The following AGMO variants were observed in gnomAD, a reference collection of about 807,000 sequenced individuals.
AGMO encodes the protein alkylglycerol monooxygenase.
A neutral mutation model predicts 60.2 loss-of-function variants in AGMO; 75 were observed. That is an observed-to-expected ratio of 1.25 (90% confidence interval 1.03 to 1.51). AGMO has a LOEUF of 1.51. Among genes scored for constraint, AGMO ranks in the 40% most tolerant of loss-of-function variants. The probability of loss-of-function intolerance (pLI) is 0.00; values close to 1 mark genes in which losing one functional copy is unlikely to be tolerated. For missense variants in AGMO, 763 were observed against 525.5 expected (o/e 1.45, Z -4.42); for synonymous variants, 261 against 177.1 (o/e 1.47, Z -3.76).
chr7:15,370,229 T>C (rs959885479), intron 10 of AGMO, among the ~76,000 whole-genome samples: 3 of 152,274 alleles, frequency 2.0e-5, no homozygotes, highest in Admixed American at 6.5e-5. Context: ...GCAAAGGACA[T>C]GAATTCTTTT....
the AGMO span, among the ~76,000 whole-genome samples, chr7:15,181,912 C>A: frequency 6.6e-6 from 1 of 152,042 alleles, no homozygotes; most frequent in Non-Finnish European, 1.5e-5. Context: ...ATATTGTGCA[C>A]TCATACTGAT....
chr7:15,271,086 T>C (rs1425955780), intron 12 of AGMO, among the ~76,000 whole-genome samples: 5 of 152,066 alleles, frequency 3.3e-5, no homozygotes, highest in African/African-American at 9.7e-5. Flanking sequence ...GTAATATAAT[T>C]TGAACTCAGG....
intron 12 of AGMO, among the ~76,000 whole-genome samples, chr7:15,355,735 T>C (rs1285098472): frequency 1.3e-5 from 2 of 152,064 alleles, no homozygotes; most frequent in Non-Finnish European, 2.9e-5. Flanking sequence ...ACCATCTTCA[T>C]ACATAAAGGG....
At chr7:15,399,790 C>A (rs895758304) in intron 5 of AGMO, among the ~76,000 whole-genome samples, 2 of 152,056 alleles carry the variant, frequency 1.3e-5, no homozygotes, top group Admixed American at 6.6e-5. Flanking sequence ...TAAAATGAAA[C>A]CAAATAAAAA....
chr7:15,461,583 T>C (rs1177340560), intron 3 of AGMO, among the ~76,000 whole-genome samples: 2 of 152,122 alleles, frequency 1.3e-5, no homozygotes, highest in African/African-American at 4.8e-5. Context: ...GGGTTCTCAT[T>C]AGCATTTATC....
chr7:15,298,213 T>C (rs1318752718), intron 12 of AGMO, among the ~76,000 whole-genome samples: 4 of 152,310 alleles, frequency 2.6e-5, no homozygotes, highest in Non-Finnish European at 5.9e-5. Flanking sequence ...ATTGTATTAA[T>C]GTGATAAAAA....
chr7:15,434,294 G>T (rs902292633), intron 3 of AGMO, among the ~76,000 whole-genome samples: 2 of 152,098 alleles, frequency 1.3e-5, no homozygotes, highest in Non-Finnish European at 2.9e-5. Flanking sequence ...CTCTAGAATG[G>T]CCGCCATTGA....
chr7:15,381,862 T>G (rs528235298), intron 10 of AGMO, among the ~76,000 whole-genome samples: 11 of 152,174 alleles, frequency 7.2e-5, no homozygotes, highest in Non-Finnish European at 1.6e-4. Context: ...TGAGGTCATG[T>G]CCTTTGCATG....
intron 3 of AGMO, among the ~76,000 whole-genome samples, chr7:15,512,051 A>T (rs771516101): frequency 5.3e-5 from 8 of 152,040 alleles, no homozygotes; most frequent in Admixed American, 1.3e-4. Flanking sequence ...GAAAATGAAC[A>T]TACAAAATAA....
intron 5 of AGMO, among the ~76,000 whole-genome samples, chr7:15,417,020 T>G (rs1780791807): frequency 6.6e-6 from 1 of 152,232 alleles, no homozygotes. Flanking sequence ...TATTCTATGT[T>G]GTGTATAATA....
intron 3 of AGMO, among the ~76,000 whole-genome samples, chr7:15,533,479 T>A (rs1200311698): frequency 1.3e-5 from 2 of 152,116 alleles, no homozygotes; most frequent in Non-Finnish European, 2.9e-5. Context: ...TAAATATGAT[T>A]TATATATCAC....
At chr7:15,235,150 CG>C (rs1782378065) in intron 12 of AGMO, among the ~76,000 whole-genome samples, 2 of 152,178 alleles carry the variant, frequency 1.3e-5, no homozygotes, top group Non-Finnish European at 1.5e-5. Flanking sequence ...GACTCTCCCC[CG>C]GGTCCTTTGA....
intron 12 of AGMO, among the ~76,000 whole-genome samples, chr7:15,250,556 A>AACACAC (rs35821350): frequency 1.9e-4 from 29 of 149,470 alleles, no homozygotes; most frequent in African/African-American, 6.8e-4. Flanking sequence ...ACACACACTA[A>AACACAC]ACACACACAC....
intron 12 of AGMO, among the ~76,000 whole-genome samples, chr7:15,277,140 T>C (rs978871054): frequency 2.6e-5 from 4 of 151,856 alleles, no homozygotes; most frequent in African/African-American, 9.7e-5. Flanking sequence ...AAACCCTATC[T>C]CTAGTAAAAA....
intron 12 of AGMO, among the ~76,000 whole-genome samples, chr7:15,279,088 C>G (rs1783885766): frequency 6.6e-6 from 1 of 152,168 alleles, no homozygotes; most frequent in Non-Finnish European, 1.5e-5. Flanking sequence ...GCCACATGAC[C>G]TTGAGCAATG....
At chr7:15,460,505 T>C (rs1782117060) in intron 3 of AGMO, among the ~76,000 whole-genome samples, 1 of 152,144 alleles carries the variant, frequency 6.6e-6, no homozygotes, top group African/African-American at 2.4e-5. Flanking sequence ...ATGAAAAATA[T>C]TTTATCTTAT....
rs536761946 is a variant in AGMO at position 15,265,968 on chromosome 7, T to C, written c.1264-64609A>G. Among the ~76,000 whole-genome samples the C allele has an allele frequency of 2.0e-4, 31 of 152,228 alleles. No homozygotes were observed. In the South Asian group the frequency reaches 6.4e-3, roughly 32 times the overall value. On this transcript the variant is annotated intron_variant, in intron 12 of 12. Transcript: ENST00000342526. ...TCAGCTTTAAAAAGGCAATACATTC[T>C]GATGTATGCTACAATATGGATGACC... is the stretch of plus-strand genomic sequence containing the variant.
chr7:15,315,955 G>T (rs78951529), intron 12 of AGMO, among the ~76,000 whole-genome samples: 2,942 of 152,052 alleles, frequency 0.019, 94 homozygotes, highest in African/African-American at 0.067. Flanking sequence ...TGATTATCTA[G>T]GGAAATAATT....
At chr7:15,419,164 C>T (rs1780860758) in intron 4 of AGMO, among the ~76,000 whole-genome samples, 3 of 151,704 alleles carry the variant, frequency 2.0e-5, no homozygotes, top group Admixed American at 2.0e-4. Flanking sequence ...TGATTGATGA[C>T]ATCATATCTC....
Sources: gnomAD v4.1 joint callset for allele counts (sites outside exome capture counted in the v4.1 genomes callset) on GRCh38, gnomAD v4.1.1 for gene constraint, MANE v1.5 for transcripts, NCBI Gene and HGNC (gene_info 2026-07-23, HGNC 2026-07-21) for gene names.